MARCHF8: variants seen among roughly 807,000 people sequenced by gnomAD.
MARCHF8 encodes the protein membrane associated ring-CH-type finger 8, also known as E3 ubiquitin-protein ligase MARCHF8.
Under a neutral mutation model 51.6 loss-of-function variants are expected in MARCHF8, and 40 were observed. The ratio of observed to expected loss-of-function variants is 0.77; its 90% confidence interval spans 0.60 to 1.01. MARCHF8 has a LOEUF of 1.01. Ranked by LOEUF, MARCHF8 falls within the 50% of genes least tolerant of loss-of-function variation. The pLI, the probability that MARCHF8 is intolerant of heterozygous loss-of-function variation, is 0.00. For missense variants in MARCHF8, 685 were observed against 708.6 expected (o/e 0.97, Z 0.38); for synonymous variants, 263 against 280.3 (o/e 0.94, Z 0.62).
In MARCHF8 at chr10:45,463,433, A is replaced by G. The variant is rs2291429; in HGVS notation, c.806T>C (p.Leu269Ser). The stretch of plus-strand genomic sequence containing the variant: ...GAACCTGTGCAGGCTGCTGGCGCTC[A>G]AGCCGTGCGAGAGTGAGAACAGGTA... The part of the protein sequence containing the change: ...LQYLFSLSHG[L>S]SASSLHRFHE... Residue 269 changes from leucine (L) to serine (S), a missense_variant, in exon 5 of 8, where the codon TTG becomes TCG. By Grantham distance (145) the Leu-to-Ser change is moderately radical. Transcript: ENST00000453424. The G allele has an allele frequency of 0.065, 100,386 of 1,550,518 alleles. 3,477 individuals are homozygous for G. Among genetic ancestry groups the G allele is most frequent in the East Asian group, 0.083 (3,401 of 40,920 alleles).
rs140617019 is a variant in MARCHF8 at position 45,576,664 on chromosome 10, G to A, written c.-79+17571C>T. Among the ~76,000 whole-genome samples, 461 of 151,854 alleles carry A rather than the reference G, an allele frequency of 3.0e-3. 3 individuals are homozygous for A. The highest frequency in any genetic ancestry group is 0.027 in the Middle Eastern group (8 of 294). ...CGCCCTGGTGTCCTGGCTCAAGCCT[G>A]TAATCCTAGCACTCTGGGAGGCCAA... On this transcript the variant is annotated intron_variant, in intron 1 of 6. Transcript: ENST00000319836.
chr10:45,564,759 G>T (rs560809026), intron 1 of MARCHF8, among the ~76,000 whole-genome samples: 1 of 150,358 alleles, frequency 6.7e-6, no homozygotes, highest in Non-Finnish European at 1.5e-5. Flanking sequence ...CAACAACGAC[G>T]ACAATAACAG....
chr10:45,537,469 A>G (rs573751034), upstream of MARCHF8, among the ~76,000 whole-genome samples: 1 of 152,152 alleles, frequency 6.6e-6, no homozygotes, highest in South Asian at 2.1e-4. Flanking sequence ...CCTGGGCAAC[A>G]TGGCAAAACC....
At chr10:45,534,729 T>C (rs1324632513) in intron 1 of MARCHF8, among the ~76,000 whole-genome samples, 5 of 152,030 alleles carry the variant, frequency 3.3e-5, no homozygotes, top group African/African-American at 9.7e-5. Context: ...TAGGAAAAGG[T>C]AGGGTAAACA....
intron 3 of MARCHF8, among the ~76,000 whole-genome samples, chr10:45,486,672 TC>T: frequency 6.6e-6 from 1 of 152,174 alleles, no homozygotes; most frequent in Non-Finnish European, 1.5e-5. Flanking sequence ...CAACCTAAGG[TC>T]ACCAGGATTC....
intron 1 of MARCHF8, among the ~76,000 whole-genome samples, chr10:45,585,740 T>C (rs1174836143): frequency 6.6e-6 from 1 of 152,178 alleles, no homozygotes; most frequent in Non-Finnish European, 1.5e-5. Flanking sequence ...AATATTGTAA[T>C]ATCTATTCAA....
In MARCHF8 at chr10:45,458,273, G is replaced by C; in HGVS notation, c.1688C>G (p.Pro563Arg). 1 of 1,613,758 alleles carries C rather than the reference G, an allele frequency of 6.2e-7. No homozygotes were observed. Among genetic ancestry groups the C allele is most frequent in the Non-Finnish European group, 8.5e-7 (1 of 1,179,908 alleles). ...SDTNSSCCTE[P>R]EDTGAEIIHV is the part of the protein sequence containing the mutation. ...AATGATTTCTGCTCCAGTGTCTTCA[G>C]GCTCTGTGCAACAAGAAGAGTTTGT... The change falls in exon 8 of 8, where the codon CCT becomes CGT. Residue 563 changes from proline (P) to arginine (R), a missense_variant. Transcript: ENST00000453424.
intron 3 of MARCHF8, among the ~76,000 whole-genome samples, chr10:45,484,957 T>G (rs1172119239): frequency 6.6e-6 from 1 of 151,024 alleles, no homozygotes; most frequent in East Asian, 1.9e-4. Context: ...AAGAGAAGCA[T>G]TAGGAATTCT....
chr10:45,584,165 AT>A (rs2072611257), intron 1 of MARCHF8, among the ~76,000 whole-genome samples: 1 of 113,694 alleles, frequency 8.8e-6, no homozygotes. Flanking sequence ...ATATATATAT[AT>A]ATCAAGAAAT....
At chr10:45,491,697 G>A (rs1284314752) in intron 2 of MARCHF8, among the ~76,000 whole-genome samples, 1 of 152,192 alleles carries the variant, frequency 6.6e-6, no homozygotes, top group Non-Finnish European at 1.5e-5. Flanking sequence ...TAAACACAGG[G>A]CACTGCTGTG....
chr10:45,473,598 A>G (rs1164221950), intron 3 of MARCHF8, among the ~76,000 whole-genome samples: 2 of 151,392 alleles, frequency 1.3e-5, no homozygotes, highest in Non-Finnish European at 3.0e-5. Flanking sequence ...TTCCTCTGAG[A>G]GGCATCAAGA....
intron 2 of MARCHF8, among the ~76,000 whole-genome samples, chr10:45,525,267 G>A (rs2043772480): frequency 1.3e-5 from 2 of 152,106 alleles, no homozygotes; most frequent in African/African-American, 2.4e-5. Flanking sequence ...CTCAGTAGCA[G>A]GACAACAGGG....
chr10:45,479,422 C>T (rs895817196), intron 3 of MARCHF8, among the ~76,000 whole-genome samples: 2 of 152,172 alleles, frequency 1.3e-5, no homozygotes, highest in African/African-American at 2.4e-5. Context: ...AAAGCCTTCC[C>T]TCTAAGAACT....
intron 2 of MARCHF8, among the ~76,000 whole-genome samples, chr10:45,514,324 G>A (rs1452641103): frequency 1.3e-5 from 2 of 152,234 alleles, no homozygotes; most frequent in African/African-American, 2.4e-5. Context: ...GACAGGGCAC[G>A]TCTCCTACCT....
chr10:45,557,320 G>T (rs1340623482), intron 1 of MARCHF8, among the ~76,000 whole-genome samples: 2 of 151,466 alleles, frequency 1.3e-5, no homozygotes, highest in Admixed American at 6.6e-5. Context: ...GTAGAGACGG[G>T]GTTTTGCCAC....
intron 1 of MARCHF8, 61 bp from the exon 2 acceptor site, chr10:45,533,350 G>T: frequency 9.2e-7 from 1 of 1,084,154 alleles, no homozygotes; most frequent in East Asian, 3.0e-5. Flanking sequence ...ATTTCCAAGA[G>T]TGAGCTTAAC....
At chr10:45,561,248 T>C (rs753018235) in intron 1 of MARCHF8, among the ~76,000 whole-genome samples, 3 of 152,040 alleles carry the variant, frequency 2.0e-5, no homozygotes, top group African/African-American at 7.2e-5. Flanking sequence ...TTCACTATCA[T>C]TTCAGATAAT....
intron 2 of MARCHF8, among the ~76,000 whole-genome samples, chr10:45,511,940 C>T (rs966065580): frequency 7.3e-5 from 11 of 151,220 alleles, no homozygotes; most frequent in East Asian, 3.9e-4. Context: ...TCTTCCTGGC[C>T]GCCATCCCGT....
chr10:45,569,278 AT>A (rs548357957), intron 1 of MARCHF8, among the ~76,000 whole-genome samples: 7 of 152,088 alleles, frequency 4.6e-5, no homozygotes, highest in Non-Finnish European at 8.8e-5. Context: ...TGTTCCCTCT[AT>A]CCCCAGTTTT....
Sources: allele counts gnomAD v4.1 joint callset (sites outside exome capture counted in the v4.1 genomes callset), GRCh38; gene constraint gnomAD v4.1.1; transcripts MANE v1.5; gene names NCBI Gene and HGNC (gene_info 2026-07-23, HGNC 2026-07-21).